The following FCHO1 variants were observed in gnomAD, a reference collection of about 807,000 sequenced individuals.
The protein encoded by FCHO1 is FCH and mu domain containing endocytic adaptor 1.
Under a neutral mutation model 114.4 loss-of-function variants are expected in FCHO1, and 45 were observed. That is an observed-to-expected ratio of 0.39 (90% CI 0.31 to 0.50). The LOEUF (loss-of-function observed/expected upper bound fraction) is 0.50. Ranked by LOEUF, FCHO1 falls within the 20% of genes least tolerant of loss-of-function variation. The pLI, the probability that FCHO1 is intolerant of heterozygous loss-of-function variation, is 0.77. For synonymous variants in FCHO1, 480 were observed against 488.9 expected, an observed-to-expected ratio of 0.98 and a Z score of 0.24; for missense variants, 1,042 against 1,209.6, an observed-to-expected ratio of 0.86 and a Z score of 2.06.
chr19:17,772,410 T>G (rs748481642), intron 9 of FCHO1, 47 bp from the exon 10 acceptor site: 1 of 1,445,840 alleles, frequency 6.9e-7, no homozygotes, highest in Non-Finnish European at 9.7e-7. Context: ...GGCCACTTCT[T>G]CTTGGCCCTG....
At position 17,755,135 on chromosome 19, in the gene FCHO1, C is replaced by A; in HGVS notation, c.-30C>A. The stretch of plus-strand genomic sequence containing the variant: ...CTCTTCAGACAGGCACTGGACGGGG[C>A]CTGCAGGGGTCTCCACAGAGACCAT... On this transcript the variant is annotated 5_prime_UTR_variant, in exon 4 of 29. Coordinates refer to ENST00000596536, the MANE Select transcript of FCHO1 (RefSeq NM_015122.3). 1 of 1,612,966 alleles carries A rather than the reference C, an allele frequency of 6.2e-7. No individual in the cohort carries two copies. Among genetic ancestry groups the A allele is most frequent in the Non-Finnish European group, 8.5e-7 (1 of 1,179,066 alleles).
Position 17,784,967 on chromosome 19 carries a change from C to G in FCHO1, c.2426+43C>G, listed in dbSNP as rs1232487305. 1 of 1,585,028 alleles carries G rather than the reference C, an allele frequency of 6.3e-7. No individual in the cohort carries two copies. Among genetic ancestry groups the G allele is most frequent in the Non-Finnish European group, 8.6e-7 (1 of 1,166,482 alleles). On this transcript the variant is annotated intron_variant, in intron 26 of 28. Coordinates refer to ENST00000596536, the MANE Select transcript of FCHO1 (RefSeq NM_015122.3). The surrounding 1 kb of genome is among the most constrained non-coding windows in gnomAD (Gnocchi z 5.3). ...GCCAAGGAAAACTCAGCAGTTTCCCCCATAACCCCAGACCTTCTCCCTGAT... is the reference window on the plus strand; with the variant it reads ...GCCAAGGAAAACTCAGCAGTTTCCCGCATAACCCCAGACCTTCTCCCTGAT...
chr19:17,751,236 A>T (rs1209967462), upstream of FCHO1, among the ~76,000 whole-genome samples: 1 of 152,148 alleles, frequency 6.6e-6, no homozygotes, highest in African/African-American at 2.4e-5. This position sits in a 1 kb window ranked among gnomAD's most constrained non-coding sequence, Gnocchi z 4.4. Flanking sequence ...CAAGATGTTG[A>T]ATGCCTGGGC....
At chr19:17,783,777 C>T (rs1043393116) in intron 24 of FCHO1, among the ~76,000 whole-genome samples, 5 of 152,000 alleles carry the variant, frequency 3.3e-5, no homozygotes, top group Admixed American at 3.3e-4. Context: ...GATGGGGTTG[C>T]ACCATGTTGG....
In FCHO1 at chr19:17,788,319, T is replaced by G; in HGVS notation, c.*13T>G. Reference sequence around the variant, plus strand: ...GGTGAGCTGCTGAACCCGCAAATGCTGCTGCCCCAGCTCTACACTGCGCCC... The same window carrying G: ...GGTGAGCTGCTGAACCCGCAAATGCGGCTGCCCCAGCTCTACACTGCGCCC... On this transcript the variant is annotated 3_prime_UTR_variant, in exon 29 of 29. Transcript: ENST00000596536. 7.1e-7 allele frequency: 1 copy of G among 1,398,742 alleles called. No homozygotes were observed. Among genetic ancestry groups the G allele is most frequent in the Non-Finnish European group, 9.5e-7 (1 of 1,053,528 alleles). The allele number at this position is 1,398,742 out of a possible 1,614,324, so 86.6% of individuals were successfully genotyped here.
intron 5 of FCHO1, 61 bp from the exon 6 acceptor site, chr19:17,764,314 T>A: frequency 6.5e-7 from 1 of 1,539,440 alleles, no homozygotes; most frequent in East Asian, 2.3e-5. Context: ...GTGCTGGGAT[T>A]ACAGGCGTGA....
chr19:17,764,483 T>C, intron 6 of FCHO1, 34 bp downstream of exon 6: 2 of 1,556,244 alleles, frequency 1.3e-6, no homozygotes, highest in South Asian at 1.2e-5. Context: ...CATGGGGACA[T>C]TGGGAGCCTC....
chr19:17,764,528 G>A lies in FCHO1; in HGVS notation c.194+79G>A. ...GGACATCTCTTCACACTCGGTGCAT[G>A]TAGAATAGAGTGTCATCCACCTCGA... is the stretch of plus-strand genomic sequence containing the variant. On this transcript the variant is annotated intron_variant, in intron 6 of 28. Coordinates refer to ENST00000596536, the MANE Select transcript of FCHO1 (RefSeq NM_015122.3). 3 of 1,164,780 alleles carry A rather than the reference G, an allele frequency of 2.6e-6. No individual in the cohort carries two copies. In the South Asian group the frequency reaches 4.4e-5, roughly 17 times the overall value. The allele number at this position is 1,164,780 out of a possible 1,614,324, so 72.2% of individuals were successfully genotyped here.
intron 23 of FCHO1, 93 bp downstream of exon 23, chr19:17,781,913 A>C: frequency 1.2e-6 from 1 of 831,394 alleles, no homozygotes; most frequent in Non-Finnish European, 1.9e-6. Context: ...GGTCTGTCTT[A>C]TAGTGAAAGG....
intron 27 of FCHO1, 94 bp from the exon 28 acceptor site, chr19:17,787,588 A>G: frequency 7.2e-7 from 1 of 1,397,620 alleles, no homozygotes; most frequent in Non-Finnish European, 9.6e-7. Flanking sequence ...AAGGCCACAG[A>G]ACAGAGGGCT....
chr19:17,773,727 G>C (rs1387328176), intron 11 of FCHO1, among the ~76,000 whole-genome samples: 4 of 152,146 alleles, frequency 2.6e-5, no homozygotes, highest in African/African-American at 9.7e-5. Flanking sequence ...TGCCCTGCTG[G>C]AACCAGACCA....
At chr19:17,774,918 C>T (rs2092400159) in intron 13 of FCHO1, 138 bp from the exon 14 acceptor site, 4 of 908,928 alleles carry the variant, frequency 4.4e-6, no homozygotes, top group South Asian at 3.0e-5. Flanking sequence ...CCCCATGGTC[C>T]CACCGCCTCT....
intron 23 of FCHO1, among the ~76,000 whole-genome samples, chr19:17,782,679 A>C (rs17710812): frequency 0.26 from 39,509 of 152,092 alleles, 6,641 homozygotes; most frequent in Non-Finnish European, 0.38. Context: ...AAAAGATCTG[A>C]AAGTCAAACC....
At position 17,776,762 on chromosome 19, in the gene FCHO1, T is replaced by C; in HGVS notation, c.1259+76T>C. On this transcript the variant is annotated intron_variant, in intron 18 of 28. Coordinates refer to ENST00000596536, the MANE Select transcript of FCHO1 (RefSeq NM_015122.3). The surrounding 1 kb of genome is among the most constrained non-coding windows in gnomAD (Gnocchi z 4.4). ...CACCTCCCCATGTCTCCGCCTGGTG[T>C]TCTCTTGTCCCGGCTGGGAGTTGAC... The C allele has an allele frequency of 1.5e-6, 2 of 1,377,474 alleles. No homozygotes were observed. Among genetic ancestry groups the C allele is most frequent in the Admixed American group, 1.9e-5 (1 of 52,882 alleles). 85.3% of individuals were successfully genotyped at this position (1,377,474 alleles called of 1,614,324 possible). A position where few individuals can be genotyped will look rare whatever the true frequency, so the allele number is the denominator to read the frequency against.
At chr19:17,761,633 C>CATATATATATATATATATAT (rs55848959) in intron 4 of FCHO1, among the ~76,000 whole-genome samples, 63 of 142,690 alleles carry the variant, frequency 4.4e-4, no homozygotes, top group Admixed American at 1.4e-3. Flanking sequence ...CATGTATATA[C>CATATATATATATATATATAT]ATATATATAT....
intron 4 of FCHO1, among the ~76,000 whole-genome samples, chr19:17,756,663 G>GCACCCCACA (rs1419094647): frequency 6.6e-6 from 1 of 152,114 alleles, no homozygotes; most frequent in Non-Finnish European, 1.5e-5. Context: ...CCCACCCCAT[G>GCACCCCACA]CACCCCACAC....
intron 4 of FCHO1, chr19:17,755,488 C>T: frequency 3.6e-6 from 1 of 274,842 alleles, no homozygotes; most frequent in Non-Finnish European, 6.9e-6. Context: ...AGTGCTCAAA[C>T]CCAGGGCCAA....
At position 17,776,161 on chromosome 19, in the gene FCHO1, G is replaced by T. The variant is rs1256747111; in HGVS notation, c.1182G>T (p.Gly394=). 6.2e-7 allele frequency: 1 copy of T among 1,613,924 alleles called. No individual in the cohort carries two copies. Among genetic ancestry groups the T allele is most frequent in the South Asian group, 1.1e-5 (1 of 91,074 alleles). Residue 394 remains glycine, a splice_region_variant and synonymous_variant, in exon 16 of 29, where the codon GGG becomes GGT. Transcript: ENST00000596536. The surrounding 1 kb of genome is among the most constrained non-coding windows in gnomAD (Gnocchi z 4.4). ...AGSLILPPGP[G]GTMKRHSSRD... ...GCCTCATCCTTCCTCCTGGCCCAGGGGTGAGGCGTGGGAGGGGTGCCCTGG... is the reference window on the plus strand; with the variant it reads ...GCCTCATCCTTCCTCCTGGCCCAGGTGTGAGGCGTGGGAGGGGTGCCCTGG...
chr19:17,786,351 A>C (rs185252568), intron 26 of FCHO1, among the ~76,000 whole-genome samples: 1 of 133,334 alleles, frequency 7.5e-6, no homozygotes, highest in East Asian at 1.9e-4. Flanking sequence ...ACACAAAAAA[A>C]CACAAAACAA....
Sources: allele counts gnomAD v4.1 joint callset (sites outside exome capture counted in the v4.1 genomes callset), GRCh38; gene constraint gnomAD v4.1.1; non-coding constraint Gnocchi (gnomAD v3.1); transcripts MANE v1.5; gene names NCBI Gene and HGNC (gene_info 2026-07-23, HGNC 2026-07-21).